The following TMEM164 variants were observed in gnomAD, a reference collection of about 807,000 sequenced individuals.
TMEM164 encodes transmembrane protein 164, also known as RP13-360B22.2.
A neutral mutation model predicts 18.8 loss-of-function variants in TMEM164; 4 were observed. The observed-to-expected ratio is 0.21, with a 90% CI of 0.10 to 0.49. The LOEUF is 0.49. Ranked by LOEUF, TMEM164 falls within the 20% of genes least tolerant of loss-of-function variation. The probability of loss-of-function intolerance (pLI) is 0.98; values close to 1 mark genes in which losing one functional copy is unlikely to be tolerated. For missense variants in TMEM164, 108 were observed against 239.9 expected (o/e 0.45, Z 3.63); for synonymous variants, 86 against 101.7 (o/e 0.85, Z 0.93).
chrX:110,086,259 G>T (rs992109109), intron 3 of TMEM164, among the ~76,000 whole-genome samples: 1 of 111,994 alleles, frequency 8.9e-6, no homozygotes, highest in Non-Finnish European at 1.9e-5. Flanking sequence ...CTATTTTAAA[G>T]TAGAAATCCA....
chrX:110,014,287 G>C (rs1272665919), intron 2 of TMEM164, among the ~76,000 whole-genome samples: 1 of 111,063 alleles, frequency 9.0e-6, no homozygotes, highest in Non-Finnish European at 1.9e-5. Flanking sequence ...ATACAGGAAA[G>C]CTTTTCCAAG....
chrX:110,154,944 G>T (rs1402982639), intron 5 of TMEM164, among the ~76,000 whole-genome samples: 3 of 111,903 alleles, frequency 2.7e-5, no homozygotes, highest in Non-Finnish European at 3.8e-5. Context: ...GTGTTATGAG[G>T]ATTCACTGAG....
downstream of TMEM164, among the ~76,000 whole-genome samples, chrX:110,183,128 C>T (rs1020982976): frequency 3.6e-5 from 4 of 112,233 alleles, no homozygotes; most frequent in Non-Finnish European, 7.5e-5. Flanking sequence ...AGCCTGAGGG[C>T]GGTCCTCCCC....
intron 5 of TMEM164, among the ~76,000 whole-genome samples, chrX:110,163,707 G>A (rs956845462): frequency 1.8e-5 from 2 of 112,360 alleles, no homozygotes; most frequent in Admixed American, 9.4e-5. Flanking sequence ...ATCCAGTAGA[G>A]AGGAAGAAAT....
chrX:110,068,764 A>C (rs950882200), intron 3 of TMEM164, among the ~76,000 whole-genome samples: 2 of 110,026 alleles, frequency 1.8e-5, no homozygotes, highest in African/African-American at 6.6e-5. Flanking sequence ...ACCTTTCCAC[A>C]CTATCCCTTT....
intron 4 of TMEM164, among the ~76,000 whole-genome samples, chrX:110,137,866 T>C (rs1459710645): frequency 8.9e-6 from 1 of 111,975 alleles, no homozygotes; most frequent in Non-Finnish European, 1.9e-5. Context: ...ATAGGACTGT[T>C]TTGGGTAAGA....
chrX:110,109,204 G>A lies in TMEM164; in HGVS notation c.507+58G>A, dbSNP rs2066256806. 7 of 1,079,010 alleles carry A rather than the reference G, an allele frequency of 6.5e-6. No individual in the cohort carries two copies. In the Admixed American group the frequency reaches 1.1e-4, roughly 17 times the overall value. 88.9% of individuals were successfully genotyped at this position (1,079,010 alleles called of 1,213,427 possible). A position where few individuals can be genotyped will look rare whatever the true frequency, so the allele number is the denominator to read the frequency against. ...CATGCAAAGCAGTACTTGCCTATATGCCCATGTGATTTTAAAAATATACAT... is the reference window on the plus strand; with the variant it reads ...CATGCAAAGCAGTACTTGCCTATATACCCATGTGATTTTAAAAATATACAT... On this transcript the variant is annotated intron_variant, in intron 4 of 6. Transcript: ENST00000372068.
chrX:110,013,092 T>C (rs1206915969), intron 2 of TMEM164, among the ~76,000 whole-genome samples: 2 of 111,640 alleles, frequency 1.8e-5, no homozygotes, highest in Non-Finnish European at 3.8e-5. Context: ...AAAGGAAGCA[T>C]GGTACCATCC....
rs191229077 is a variant in TMEM164 at position 110,057,988 on chromosome X, A to G, written c.391-9359A>G. On this transcript the variant is annotated intron_variant, in intron 2 of 6. Coordinates refer to ENST00000372068, the MANE Select transcript of TMEM164 (RefSeq NM_032227.4). ...TTTGTTTGTTTTTTACTTTTCTTGC[A>G]CGTGCTTTTGATGTCATATTCAAAA... Among the ~76,000 whole-genome samples, 511 of 111,598 alleles carry G rather than the reference A, an allele frequency of 4.6e-3. 2 individuals are homozygous for G. The highest frequency in any genetic ancestry group is 0.015 in the African/African-American group (457 of 30,739).
chrX:110,141,619 T>C (rs1009656642), intron 4 of TMEM164, among the ~76,000 whole-genome samples: 1 of 112,191 alleles, frequency 8.9e-6, no homozygotes, highest in Non-Finnish European at 1.9e-5. Context: ...TATCTCCCAC[T>C]GGGTCCCTCC....
chrX:110,145,212 T>G (rs2066836059), intron 5 of TMEM164, among the ~76,000 whole-genome samples: 1 of 111,145 alleles, frequency 9.0e-6, no homozygotes, highest in African/African-American at 3.3e-5. Context: ...GCCTTCCCCC[T>G]GCCTCAATGT....
At chrX:110,080,263 C>T (rs2065733629) in intron 3 of TMEM164, among the ~76,000 whole-genome samples, 1 of 111,594 alleles carries the variant, frequency 9.0e-6, no homozygotes, top group Admixed American at 9.5e-5. Context: ...AATTTGAAAT[C>T]CATGCATAGT....
intron 4 of TMEM164, among the ~76,000 whole-genome samples, chrX:110,139,504 A>G (rs2066738540): frequency 1.8e-5 from 2 of 111,710 alleles, no homozygotes; most frequent in African/African-American, 3.3e-5. Context: ...AGGAGAGTAA[A>G]TGGTCTTGGG....
At chrX:110,122,341 C>T (rs202045504) in intron 4 of TMEM164, among the ~76,000 whole-genome samples, 5 of 104,136 alleles carry the variant, frequency 4.8e-5, no homozygotes, top group East Asian at 3.0e-4. Context: ...AACCAAACAC[C>T]GCATATTCTC....
At chrX:110,025,976 T>G (rs1415417023) in intron 2 of TMEM164, among the ~76,000 whole-genome samples, 1 of 112,814 alleles carries the variant, frequency 8.9e-6, no homozygotes, top group East Asian at 2.8e-4. Flanking sequence ...TTTTCATTTG[T>G]AAAATGGAGC....
intron 2 of TMEM164, among the ~76,000 whole-genome samples, chrX:110,060,281 A>AAG (rs1555994005): frequency 9.3e-6 from 1 of 107,787 alleles, no homozygotes; most frequent in Non-Finnish European, 1.9e-5. Context: ...AAAAAAAAAA[A>AAG]AAAGAAAAGA....
At chrX:110,046,573 G>T (rs1935324387) in intron 2 of TMEM164, 1 of 606,289 alleles carries the variant, frequency 1.6e-6, no homozygotes, top group Non-Finnish European at 2.0e-6. Context: ...AATAAATGCT[G>T]CCTGTTTGAG....
At chrX:110,085,929 C>T (rs2065845651) in intron 3 of TMEM164, among the ~76,000 whole-genome samples, 1 of 112,071 alleles carries the variant, frequency 8.9e-6, no homozygotes, top group African/African-American at 3.2e-5. Flanking sequence ...GTAGTAACCA[C>T]GTAGTCCAAA....
At chrX:110,152,481 G>C (rs757961057) in intron 5 of TMEM164, among the ~76,000 whole-genome samples, 9 of 111,400 alleles carry the variant, frequency 8.1e-5, no homozygotes, top group Non-Finnish European at 1.5e-4. Flanking sequence ...TATGTTTATA[G>C]TTCCTTTTAT....
Sources: allele counts gnomAD v4.1 joint callset (sites outside exome capture counted in the v4.1 genomes callset), GRCh38; gene constraint gnomAD v4.1.1; transcripts MANE v1.5; gene names NCBI Gene and HGNC (gene_info 2026-07-23, HGNC 2026-07-21).